UBE2O: variants seen among roughly 807,000 people sequenced by gnomAD.
UBE2O encodes ubiquitin conjugating enzyme E2 O.
UBE2O carries 15 observed loss-of-function variants against 125.8 expected under a neutral mutation model. The observed-to-expected ratio is 0.12, with a 90% CI of 0.08 to 0.18. UBE2O has a LOEUF of 0.18. Ranked by LOEUF, UBE2O falls within the 10% of genes least tolerant of loss-of-function variation. UBE2O has a pLI of 1.00. For missense variants in UBE2O, 1,280 were observed against 1,723.6 expected (o/e 0.74, Z 4.56); for synonymous variants, 708 against 703.2 (o/e 1.01, Z -0.11).
Position 76,405,947 on chromosome 17 carries a change from A to G in UBE2O, c.418-375T>C, listed in dbSNP as rs560294182. Among the ~76,000 whole-genome samples the G allele has an allele frequency of 6.6e-5, 10 of 152,238 alleles. No homozygotes were observed. The highest frequency in any genetic ancestry group is 1.5e-4 in the Non-Finnish European group (10 of 68,036). On this transcript the variant is annotated intron_variant, in intron 1 of 17. Coordinates refer to ENST00000319380, the MANE Select transcript of UBE2O (RefSeq NM_022066.4). The surrounding 1 kb of genome is among the most constrained non-coding windows in gnomAD (Gnocchi z 6.1). Reference sequence around the variant, plus strand: ...GAGCAAAACATTTGCTTTGCGTTCAATCTTTTTTCTGCCCTCTGCAAGTGC... The same window carrying G: ...GAGCAAAACATTTGCTTTGCGTTCAGTCTTTTTTCTGCCCTCTGCAAGTGC...
At chr17:76,408,010 C>T (rs190207562) in intron 1 of UBE2O, among the ~76,000 whole-genome samples, 7 of 152,316 alleles carry the variant, frequency 4.6e-5, no homozygotes, top group South Asian at 2.1e-4. Flanking sequence ...CCCAAGACAA[C>T]GGCATGTGGA....
At chr17:76,448,861 G>C (rs1404820674) in intron 1 of UBE2O, among the ~76,000 whole-genome samples, 1 of 152,276 alleles carries the variant, frequency 6.6e-6, no homozygotes, top group Non-Finnish European at 1.5e-5. Flanking sequence ...AGGATGACTG[G>C]TGATGGGGAA....
chr17:76,401,136 A>T lies in UBE2O; in HGVS notation c.769T>A (p.Ser257Thr). ...ACCTGGCCTGGGTAGAAGCCATAGG[A>T]ATCATCGAAGAAGAGACCCTGCGGG... ...VSDSGLFFDD[S>T]YGFYPGQVLI... The change falls in exon 6 of 18, where the codon TCC becomes ACC. Residue 257 changes from serine to threonine, a missense_variant. By Grantham distance (58) the Ser-to-Thr change is moderately conservative (BLOSUM62 1). Transcript: ENST00000319380. 1.2e-6 allele frequency: 2 copies of T among 1,613,776 alleles called. No homozygotes were observed. The highest frequency in any genetic ancestry group is 1.7e-6 in the Non-Finnish European group (2 of 1,180,018).
Position 76,398,432 on chromosome 17 carries a change from C to T in UBE2O, c.1896+40G>A. The T allele has an allele frequency of 6.2e-7, 1 of 1,614,060 alleles. No individual in the cohort carries two copies. The highest frequency in any genetic ancestry group is 2.2e-5 in the East Asian group (1 of 44,882). ...TGAGCTAGGGGTCCTACACCCAACC[C>T]CAGAGCCCACCTGAAGCAAGCAGTA... On this transcript the variant is annotated intron_variant, in intron 11 of 17. Coordinates refer to ENST00000319380, the MANE Select transcript of UBE2O (RefSeq NM_022066.4). The surrounding 1 kb of genome is among the most constrained non-coding windows in gnomAD (Gnocchi z 5.4).
chr17:76,448,145 G>A (rs2073180347), intron 1 of UBE2O, among the ~76,000 whole-genome samples: 1 of 152,192 alleles, frequency 6.6e-6, no homozygotes, highest in Admixed American at 6.5e-5. Context: ...CCTTGAGTCA[G>A]GCAGCAGCCA....
At chr17:76,401,924 C>T in intron 5 of UBE2O, 140 bp downstream of exon 5, 5 of 432,344 alleles carry the variant, frequency 1.2e-5, no homozygotes, top group Non-Finnish European at 2.0e-5. Flanking sequence ...TATACCCAAA[C>T]TTTTAGACCC....
chr17:76,398,099 G>A lies in UBE2O; in HGVS notation c.2025+156C>T, dbSNP rs945965507. Reference sequence around the variant, plus strand: ...CCTTCTGCAGCTGCTAGTGCTGAGCGGCAGCTTGACTCTGGGGCAGCTGCC... The same window carrying A: ...CCTTCTGCAGCTGCTAGTGCTGAGCAGCAGCTTGACTCTGGGGCAGCTGCC... On this transcript the variant is annotated intron_variant, in intron 12 of 17. Coordinates refer to ENST00000319380, the MANE Select transcript of UBE2O (RefSeq NM_022066.4). This position sits in a 1 kb window ranked among gnomAD's most constrained non-coding sequence, Gnocchi z 5.4. Among the ~76,000 whole-genome samples, 9 of 152,258 alleles carry A rather than the reference G, an allele frequency of 5.9e-5. No individual in the cohort carries two copies. Among genetic ancestry groups the A allele is most frequent in the African/African-American group, 1.7e-4 (7 of 41,468 alleles).
In UBE2O at chr17:76,396,891, TG is replaced by T. The variant is rs1217998511; in HGVS notation, c.2116-71del. ...CCTCCCCACCACTAAGGAGGAGCTC[TG>T]GGGATCCCTGATCCGCACAGCTGAT... On this transcript the variant is annotated intron_variant, in intron 13 of 17. Coordinates refer to ENST00000319380, the MANE Select transcript of UBE2O (RefSeq NM_022066.4). This position sits in a 1 kb window ranked among gnomAD's most constrained non-coding sequence, Gnocchi z 6.7. 7.3e-7 allele frequency: 1 copy of T among 1,367,640 alleles called. No homozygotes were observed. The highest frequency in any genetic ancestry group is 2.2e-5 in the Admixed American group (1 of 46,008). 84.7% of individuals were successfully genotyped at this position (1,367,640 alleles called of 1,614,324 possible).
At chr17:76,439,130 T>C (rs2073042951) in intron 1 of UBE2O, among the ~76,000 whole-genome samples, 1 of 152,238 alleles carries the variant, frequency 6.6e-6, no homozygotes, top group Admixed American at 6.5e-5. Flanking sequence ...ACGGCGTGGT[T>C]TGGAGGCGCT....
intron 1 of UBE2O, among the ~76,000 whole-genome samples, chr17:76,446,347 G>A (rs1385629044): frequency 6.6e-6 from 1 of 152,128 alleles, no homozygotes; most frequent in East Asian, 1.9e-4. Flanking sequence ...CTTTTAAAAA[G>A]TGCTGGCCCC....
Position 76,400,641 on chromosome 17 carries a change from C to T in UBE2O, c.895-91G>A, listed in dbSNP as rs897757500. ...CCCAAAGCCCACTTGACCTCCAGAG[C>T]AGGAAACTGATCTTCCTAGTGCAGC... On this transcript the variant is annotated intron_variant, in intron 6 of 17. Transcript: ENST00000319380. This position sits in a 1 kb window ranked among gnomAD's most constrained non-coding sequence, Gnocchi z 4.3. 1.2e-6 allele frequency: 1 copy of T among 844,992 alleles called. No homozygotes were observed. The highest frequency in any genetic ancestry group is 1.7e-5 in the African/African-American group (1 of 59,034). The allele number at this position is 844,992 out of a possible 1,614,324, so 52.3% of individuals were successfully genotyped here. A position where few individuals can be genotyped will look rare whatever the true frequency, so the allele number is the denominator to read the frequency against.
chr17:76,428,729 T>A (rs2072854083), intron 1 of UBE2O, among the ~76,000 whole-genome samples: 1 of 152,186 alleles, frequency 6.6e-6, no homozygotes, highest in Admixed American at 6.5e-5. Context: ...GAGTTGTGTA[T>A]CTTGACTGCT....
chr17:76,447,281 C>T lies in UBE2O; in HGVS notation c.417+5444G>A, dbSNP rs145098939. ...TTTAGTTCAATTTGTATTCAGATTCCTCCACTTAGAAGTGTGACACTGGGC... is the reference window on the plus strand; with the variant it reads ...TTTAGTTCAATTTGTATTCAGATTCTTCCACTTAGAAGTGTGACACTGGGC... On this transcript the variant is annotated intron_variant, in intron 1 of 17. Coordinates refer to ENST00000319380, the MANE Select transcript of UBE2O (RefSeq NM_022066.4). Among the ~76,000 whole-genome samples, 10 of 152,312 alleles carry T rather than the reference C, an allele frequency of 6.6e-5. No individual in the cohort carries two copies. In the East Asian group the frequency reaches 1.5e-3, roughly 23 times the overall value.
rs2073281452 is a variant in UBE2O at position 76,452,910 on chromosome 17, G to A, written c.232C>T (p.Leu78=). 21 of 1,497,274 alleles carry A rather than the reference G, an allele frequency of 1.4e-5. No individual in the cohort carries two copies. The highest frequency in any genetic ancestry group is 3.0e-5 in the East Asian group (1 of 33,818). 92.7% of individuals were successfully genotyped at this position (1,497,274 alleles called of 1,614,324 possible). A position where few individuals can be genotyped will look rare whatever the true frequency, so the allele number is the denominator to read the frequency against. The stretch of plus-strand genomic sequence containing the variant: ...TCCTCGCCGTGGATGAGGCGCACCA[G>A]CCCGAAGTGCACGGAGCCACGGTAA... ...GRYRGSVHFG[L]VRLIHGEDSD... is the part of the protein sequence containing the mutation. The change falls in exon 1 of 18, where the codon CTG becomes TTG. Residue 78 remains leucine (L), a synonymous_variant. Transcript: ENST00000319380. The surrounding 1 kb of genome is among the most constrained non-coding windows in gnomAD (Gnocchi z 4.4).
chr17:76,431,671 T>C (rs535172509), intron 1 of UBE2O, among the ~76,000 whole-genome samples: 1 of 151,834 alleles, frequency 6.6e-6, no homozygotes, highest in African/African-American at 2.4e-5. Flanking sequence ...GGCCAGACAC[T>C]GTGGCTCACA....
In UBE2O at chr17:76,396,034, G is replaced by T; in HGVS notation, c.2809+94C>A. 1 of 1,493,848 alleles carries T rather than the reference G, an allele frequency of 6.7e-7. No homozygotes were observed. The highest frequency in any genetic ancestry group is 9.1e-7 in the Non-Finnish European group (1 of 1,095,864). 92.5% of individuals were successfully genotyped at this position (1,493,848 alleles called of 1,614,324 possible). The stretch of plus-strand genomic sequence containing the variant: ...CCTGGGGCAGTAGCTGGGGTCTGGC[G>T]AGGGGACTAACCACCCTGCACCCAG... On this transcript the variant is annotated intron_variant, in intron 14 of 17. Coordinates refer to ENST00000319380, the MANE Select transcript of UBE2O (RefSeq NM_022066.4). This position sits in a 1 kb window ranked among gnomAD's most constrained non-coding sequence, Gnocchi z 6.7.
At chr17:76,418,630 C>T (rs1378205169) in intron 1 of UBE2O, among the ~76,000 whole-genome samples, 3 of 149,508 alleles carry the variant, frequency 2.0e-5, no homozygotes, top group East Asian at 3.9e-4. Flanking sequence ...AGTGCAGTGG[C>T]GCGATCTCGG....
Position 76,396,037 on chromosome 17 carries a change from G to T in UBE2O, c.2809+91C>A. The T allele has an allele frequency of 6.7e-7, 1 of 1,500,460 alleles. No homozygotes were observed. The highest frequency in any genetic ancestry group is 9.1e-7 in the Non-Finnish European group (1 of 1,101,248). 92.9% of individuals were successfully genotyped at this position (1,500,460 alleles called of 1,614,324 possible). A position where few individuals can be genotyped will look rare whatever the true frequency, so the allele number is the denominator to read the frequency against. ...GGGGCAGTAGCTGGGGTCTGGCGAG[G>T]GGACTAACCACCCTGCACCCAGATC... On this transcript the variant is annotated intron_variant, in intron 14 of 17. Coordinates refer to ENST00000319380, the MANE Select transcript of UBE2O (RefSeq NM_022066.4). The surrounding 1 kb of genome is among the most constrained non-coding windows in gnomAD (Gnocchi z 6.7).
Position 76,391,621 on chromosome 17 carries a change from G to A in UBE2O, c.3209-8C>T. The A allele has an allele frequency of 6.2e-7, 1 of 1,607,380 alleles. No individual in the cohort carries two copies. Among genetic ancestry groups the A allele is most frequent in the South Asian group, 1.1e-5 (1 of 90,388 alleles). ...CATTTACCAGGATCAGACCTGTGTG[G>A]GCGGGACACCTTCCCTCAGTGGGTG... On this transcript the variant is annotated splice_region_variant and splice_polypyrimidine_tract_variant and intron_variant, in intron 17 of 17. Transcript: ENST00000319380. The surrounding 1 kb of genome is among the most constrained non-coding windows in gnomAD (Gnocchi z 8.4).
Sources: allele counts gnomAD v4.1 joint callset (sites outside exome capture counted in the v4.1 genomes callset), GRCh38; gene constraint gnomAD v4.1.1; non-coding constraint Gnocchi (gnomAD v3.1); transcripts MANE v1.5; gene names NCBI Gene and HGNC (gene_info 2026-07-23, HGNC 2026-07-21).